CCSER1: variants seen among roughly 807,000 people sequenced by gnomAD.
CCSER1 encodes the protein coiled-coil serine rich protein 1.
Under a neutral mutation model 82.0 loss-of-function variants are expected in CCSER1, and 41 were observed. That is an observed-to-expected ratio of 0.50 (90% CI 0.39 to 0.65). CCSER1 has a LOEUF of 0.65. Ranked by LOEUF, CCSER1 falls within the 30% of genes least tolerant of loss-of-function variation. The pLI is 0.00. For synonymous variants in CCSER1, 414 were observed against 383.9 expected (o/e 1.08, Z -0.92); for missense variants, 1,119 against 1,064.2 (o/e 1.05, Z -0.72).
At chr4:90,533,240 T>C (rs1036826428) in intron 5 of CCSER1, among the ~76,000 whole-genome samples, 28 of 151,908 alleles carry the variant, frequency 1.8e-4, no homozygotes, top group Admixed American at 5.9e-4. Context: ...TACAGGCGCC[T>C]GCCACCACGC....
intron 9 of CCSER1, among the ~76,000 whole-genome samples, chr4:91,030,076 T>C (rs916760413): frequency 6.6e-6 from 1 of 152,172 alleles, no homozygotes; most frequent in Non-Finnish European, 1.5e-5. Context: ...GTACAATCAT[T>C]ATTACTGCTA....
intron 10 of CCSER1, among the ~76,000 whole-genome samples, chr4:91,535,310 C>A (rs1761240305): frequency 6.6e-6 from 1 of 151,678 alleles, no homozygotes; most frequent in African/African-American, 2.4e-5. Context: ...ATTAATTTAA[C>A]CAAAAAAACT....
chr4:91,456,347 T>C (rs553187004), intron 10 of CCSER1, among the ~76,000 whole-genome samples: 152 of 152,176 alleles, frequency 1.0e-3, no homozygotes, highest in African/African-American at 3.6e-3. Flanking sequence ...ATCTAAATTT[T>C]GGAGGGACTC....
At chr4:91,067,035 G>A (rs1720892108) in intron 9 of CCSER1, among the ~76,000 whole-genome samples, 1 of 152,066 alleles carries the variant, frequency 6.6e-6, no homozygotes, top group African/African-American at 2.4e-5. Context: ...CATGGTGGCA[G>A]GTGCCTGTAG....
At chr4:90,563,547 C>T (rs756379850) in intron 5 of CCSER1, among the ~76,000 whole-genome samples, 2 of 152,136 alleles carry the variant, frequency 1.3e-5, no homozygotes, top group Non-Finnish European at 2.9e-5. Flanking sequence ...ATTTATCTTT[C>T]TGTGCCTGAC....
chr4:90,837,732 G>T (rs1010164385), intron 8 of CCSER1, among the ~76,000 whole-genome samples: 1 of 152,106 alleles, frequency 6.6e-6, no homozygotes, highest in South Asian at 2.1e-4. Context: ...CTAAAATTGA[G>T]ATGCCCATGG....
chr4:91,427,219 TC>T (rs1194703388), intron 10 of CCSER1, among the ~76,000 whole-genome samples: 3 of 152,178 alleles, frequency 2.0e-5, no homozygotes, highest in Non-Finnish European at 2.9e-5. Context: ...GTAGCACTTT[TC>T]AGATGGGACA....
intron 1 of CCSER1, among the ~76,000 whole-genome samples, chr4:90,251,244 C>G (rs1397300386): frequency 6.6e-6 from 1 of 151,722 alleles, no homozygotes; most frequent in African/African-American, 2.4e-5. Flanking sequence ...CCTACTTGTG[C>G]TGGCTAGAAT....
At chr4:90,823,632 T>C (rs1372137605) in intron 8 of CCSER1, among the ~76,000 whole-genome samples, 2 of 152,044 alleles carry the variant, frequency 1.3e-5, no homozygotes, top group African/African-American at 4.8e-5. Context: ...AACAAAAGAA[T>C]AGTGTGTGAA....
At chr4:90,795,010 C>T (rs1229988670) in intron 7 of CCSER1, among the ~76,000 whole-genome samples, 2 of 152,014 alleles carry the variant, frequency 1.3e-5, no homozygotes, top group African/African-American at 2.4e-5. Context: ...TGATTTCTGG[C>T]TGGGTGCGGT....
chr4:91,096,277 G>A (rs1724503000), intron 10 of CCSER1, among the ~76,000 whole-genome samples: 1 of 152,108 alleles, frequency 6.6e-6, no homozygotes, highest in African/African-American at 2.4e-5. Flanking sequence ...GTGGTCTAGG[G>A]GCTGTGGGCT....
chr4:91,105,413 A>C (rs1725513613), intron 10 of CCSER1, among the ~76,000 whole-genome samples: 1 of 152,038 alleles, frequency 6.6e-6, no homozygotes, highest in Non-Finnish European at 1.5e-5. Context: ...AAACAAAAAA[A>C]AAAAAAAATA....
At chr4:90,268,536 A>G (rs991172219) in intron 1 of CCSER1, among the ~76,000 whole-genome samples, 2 of 152,152 alleles carry the variant, frequency 1.3e-5, no homozygotes, top group Admixed American at 6.5e-5. Context: ...AAATAAAAAA[A>G]TAAAACAGAT....
At chr4:91,175,754 T>A (rs1733268451) in intron 10 of CCSER1, among the ~76,000 whole-genome samples, 1 of 152,174 alleles carries the variant, frequency 6.6e-6, no homozygotes, top group Admixed American at 6.5e-5. Flanking sequence ...ATGGTAAAAA[T>A]TTTCTCCCAT....
intron 4 of CCSER1, among the ~76,000 whole-genome samples, chr4:90,451,087 G>T (rs971813231): frequency 6.6e-6 from 1 of 152,124 alleles, no homozygotes; most frequent in Non-Finnish European, 1.5e-5. Flanking sequence ...CTTTCCTGAG[G>T]ATTGTGGTCT....
chr4:90,826,707 CAT>C (rs1760512508), intron 8 of CCSER1, among the ~76,000 whole-genome samples: 1 of 152,182 alleles, frequency 6.6e-6, no homozygotes, highest in African/African-American at 2.4e-5. Context: ...ACTCCACGCA[CAT>C]GTTATTTTCC....
intron 10 of CCSER1, among the ~76,000 whole-genome samples, chr4:91,526,966 G>A (rs958752363): frequency 6.3e-5 from 9 of 142,276 alleles, no homozygotes; most frequent in Non-Finnish European, 1.4e-4. Flanking sequence ...CTTTGATGCA[G>A]TCATTAGGCC....
chr4:90,651,501 G>A (rs1033895553), intron 6 of CCSER1, among the ~76,000 whole-genome samples: 6 of 152,080 alleles, frequency 3.9e-5, no homozygotes, highest in African/African-American at 1.4e-4. Context: ...AGAACACATG[G>A]ACACAGGGAT....
intron 10 of CCSER1, among the ~76,000 whole-genome samples, chr4:91,467,615 T>C (rs1331872891): frequency 6.6e-6 from 1 of 152,142 alleles, no homozygotes; most frequent in Non-Finnish European, 1.5e-5. Flanking sequence ...GACAAAGGGC[T>C]AATATCCAGA....
Sources: allele counts gnomAD v4.1 joint callset (sites outside exome capture counted in the v4.1 genomes callset), GRCh38; gene constraint gnomAD v4.1.1; transcripts MANE v1.5; gene names NCBI Gene and HGNC (gene_info 2026-07-23, HGNC 2026-07-21).